The following SH3PXD2A variants were observed in gnomAD, a reference collection of about 807,000 sequenced individuals.
SH3PXD2A encodes SH3 and PX domains 2A.
SH3PXD2A carries 32 observed loss-of-function variants against 115.2 expected under a neutral mutation model. The observed-to-expected ratio is 0.28, with a 90% confidence interval of 0.21 to 0.37. The LOEUF (loss-of-function observed/expected upper bound fraction) is 0.37. Ranked by LOEUF, SH3PXD2A falls within the 10% of genes least tolerant of loss-of-function variation. The pLI, the probability that SH3PXD2A is intolerant of heterozygous loss-of-function variation, is 1.00. For missense variants in SH3PXD2A, 1,328 were observed against 1,498.7 expected (o/e 0.89, Z 1.88); for synonymous variants, 610 against 629.1 (o/e 0.97, Z 0.45).
intron 3 of SH3PXD2A, among the ~76,000 whole-genome samples, chr10:103,753,111 T>C (rs1475327746): frequency 6.6e-6 from 1 of 152,026 alleles, no homozygotes; most frequent in Non-Finnish European, 1.5e-5. Context: ...CCTGCCATTT[T>C]ATACCAAATC....
chr10:103,666,856 C>CGGTGCCAGGGCTGCA lies in SH3PXD2A; in HGVS notation c.472+1737_472+1751dup, dbSNP rs1324839051. Among the ~76,000 whole-genome samples, 1 of 152,148 alleles carries CGGTGCCAGGGCTGCA rather than the reference C, an allele frequency of 6.6e-6. No individual in the cohort carries two copies. The highest frequency in any genetic ancestry group is 1.9e-4 in the East Asian group (1 of 5,186). On this transcript the variant is annotated intron_variant, in intron 7 of 14. Transcript: ENST00000369774. The surrounding 1 kb of genome is among the most constrained non-coding windows in gnomAD (Gnocchi z 4.5). ...TTCGTGGGCTCACCAGCAGGCAGCTCGGTGCCAGGGCTGCAGGTGCCAGGA... is the reference window on the plus strand; with the variant it reads ...TTCGTGGGCTCACCAGCAGGCAGCTCGGTGCCAGGGCTGCAGGTGCCAGGGCTGCAGGTGCCAGGA...
intron 11 of SH3PXD2A, among the ~76,000 whole-genome samples, chr10:103,616,561 C>T (rs1225707172): frequency 6.6e-6 from 1 of 152,252 alleles, no homozygotes; most frequent in Non-Finnish European, 1.5e-5. Flanking sequence ...TAGGATTCTA[C>T]GCTGGGAACT....
intron 1 of SH3PXD2A, among the ~76,000 whole-genome samples, chr10:103,829,167 G>T (rs1465027639): frequency 2.0e-5 from 3 of 152,150 alleles, no homozygotes; most frequent in South Asian, 2.1e-4. Context: ...GATTTCAAGG[G>T]ACTGTTTATT....
chr10:103,646,474 T>C (rs1014503101), intron 8 of SH3PXD2A, among the ~76,000 whole-genome samples: 3 of 152,194 alleles, frequency 2.0e-5, no homozygotes, highest in Admixed American at 6.5e-5. Context: ...CAGTGGTGAC[T>C]GACACCCATG....
intron 7 of SH3PXD2A, among the ~76,000 whole-genome samples, chr10:103,663,969 C>T (rs527289996): frequency 2.6e-5 from 4 of 152,186 alleles, no homozygotes; most frequent in Non-Finnish European, 2.9e-5. Context: ...AACCAACAGC[C>T]GGGCAGTAGG....
Position 103,691,829 on chromosome 10 carries a change from C to T in SH3PXD2A, c.427+1199G>A, listed in dbSNP as rs188540118. 2.3e-3 allele frequency among the ~76,000 whole-genome samples: 355 copies of T among 152,222 alleles called. 2 individuals carry two copies. The highest frequency in any genetic ancestry group is 8.2e-3 in the African/African-American group (340 of 41,524). On this transcript the variant is annotated intron_variant, in intron 6 of 14. Coordinates refer to ENST00000369774, the MANE Select transcript of SH3PXD2A (RefSeq NM_001394015.1). ...AGCTATCATGACTCACACATGTGCA[C>T]AGAACCCCACAGCCACACACGCCCC...
intron 7 of SH3PXD2A, among the ~76,000 whole-genome samples, chr10:103,664,964 C>G (rs374019576): frequency 1.3e-5 from 2 of 152,278 alleles, no homozygotes; most frequent in South Asian, 4.2e-4. Context: ...TAAGCCACCA[C>G]GCCTGGCCTA....
At chr10:103,722,574 T>TTACAGGTGTGAGCCAA (rs1398097182) in intron 5 of SH3PXD2A, among the ~76,000 whole-genome samples, 6 of 151,868 alleles carry the variant, frequency 4.0e-5, no homozygotes, top group African/African-American at 1.5e-4. Context: ...AGTGCTGGGA[T>TTACAGGTGTGAGCCAA]TACAGGTGTG....
intron 1 of SH3PXD2A, among the ~76,000 whole-genome samples, chr10:103,843,488 A>C (rs1004138625): frequency 6.6e-6 from 1 of 152,240 alleles, no homozygotes; most frequent in African/African-American, 2.4e-5. Context: ...CTGAAGGGCC[A>C]GGCCTTCAAA....
intron 1 of SH3PXD2A, among the ~76,000 whole-genome samples, chr10:103,805,836 C>G (rs957077826): frequency 6.6e-6 from 1 of 152,248 alleles, no homozygotes; most frequent in Non-Finnish European, 1.5e-5. Context: ...CTGGCCTGGA[C>G]AACATAGTGA....
Position 103,601,819 on chromosome 10 carries a change from G to A in SH3PXD2A, c.3399C>T (p.Asn1133=). 1 of 1,597,724 alleles carries A rather than the reference G, an allele frequency of 6.3e-7. No homozygotes were observed. Among genetic ancestry groups the A allele is most frequent in the Non-Finnish European group, 8.5e-7 (1 of 1,171,710 alleles). Residue 1133 remains asparagine (N), a synonymous_variant, in exon 15 of 15, where the codon AAC becomes AAT. Transcript: ENST00000369774. The part of the protein sequence containing the change: ...WVPSNYLEKK[N] Reference sequence around the variant, plus strand: ...CTGGAAGAGCCCAGGCCCTCTGCTAGTTCTTTTTCTCAAGGTAGTTGGAAG... The same window carrying A: ...CTGGAAGAGCCCAGGCCCTCTGCTAATTCTTTTTCTCAAGGTAGTTGGAAG...
chr10:103,796,612 C>G (rs1421174231), intron 2 of SH3PXD2A, among the ~76,000 whole-genome samples: 1 of 152,098 alleles, frequency 6.6e-6, no homozygotes, highest in Non-Finnish European at 1.5e-5. Flanking sequence ...GTTCCTCAGC[C>G]TGCGCCACTT....
intron 5 of SH3PXD2A, among the ~76,000 whole-genome samples, chr10:103,712,992 C>T (rs961622112): frequency 1.3e-5 from 2 of 152,216 alleles, no homozygotes; most frequent in Admixed American, 6.5e-5. Flanking sequence ...CTGGATTGTA[C>T]GGATGCTCAA....
chr10:103,688,672 G>C (rs1564864395), intron 6 of SH3PXD2A, among the ~76,000 whole-genome samples: 2 of 152,190 alleles, frequency 1.3e-5, no homozygotes, highest in South Asian at 2.1e-4. Flanking sequence ...GACTGGTGTG[G>C]CTGAGCAGTG....
chr10:103,837,030 C>A (rs2039550834), intron 1 of SH3PXD2A, among the ~76,000 whole-genome samples: 2 of 152,194 alleles, frequency 1.3e-5, no homozygotes, highest in African/African-American at 4.8e-5. Flanking sequence ...TCGTTTGTTT[C>A]CTGAGGCAAG....
At chr10:103,630,622 CAA>C (rs2036764332) in intron 8 of SH3PXD2A, among the ~76,000 whole-genome samples, 2 of 151,664 alleles carry the variant, frequency 1.3e-5, no homozygotes, top group South Asian at 2.1e-4. Context: ...GCAGCAGAGT[CAA>C]GAGATAGAGA....
At chr10:103,701,945 GCCAT>G (rs2037916715) in intron 5 of SH3PXD2A, among the ~76,000 whole-genome samples, 1 of 126,390 alleles carries the variant, frequency 7.9e-6, no homozygotes, top group African/African-American at 3.1e-5. Flanking sequence ...CCTTCATCCA[GCCAT>G]CCATCATCTA....
chr10:103,706,806 C>G (rs1471102505), intron 5 of SH3PXD2A, among the ~76,000 whole-genome samples: 2 of 152,188 alleles, frequency 1.3e-5, no homozygotes, highest in African/African-American at 4.8e-5. Flanking sequence ...CCTCCTTTCC[C>G]CCCCGAGTAG....
chr10:103,805,280 G>A (rs950222135), intron 1 of SH3PXD2A, among the ~76,000 whole-genome samples: 6 of 152,216 alleles, frequency 3.9e-5, no homozygotes, highest in Non-Finnish European at 7.3e-5. Context: ...GTGATTTGCC[G>A]AGGAAAGGGC....
Sources: allele counts gnomAD v4.1 joint callset (sites outside exome capture counted in the v4.1 genomes callset), GRCh38; gene constraint gnomAD v4.1.1; non-coding constraint Gnocchi (gnomAD v3.1); transcripts MANE v1.5; gene names NCBI Gene and HGNC (gene_info 2026-07-23, HGNC 2026-07-21).